The following MATK variants were observed in gnomAD, a reference collection of about 807,000 sequenced individuals.
The protein encoded by MATK is megakaryocyte-associated tyrosine-protein kinase.
MATK carries 41 observed loss-of-function variants against 59.8 expected under a neutral mutation model. The observed-to-expected ratio is 0.69, with a 90% CI of 0.53 to 0.89. The LOEUF (loss-of-function observed/expected upper bound fraction) is 0.89. Ranked by LOEUF, MATK falls within the 40% of genes least tolerant of loss-of-function variation. The pLI, the probability that MATK is intolerant of heterozygous loss-of-function variation, is 0.00. For synonymous variants in MATK, 308 were observed against 306.1 expected, an observed-to-expected ratio of 1.01 and a Z score of -0.06; for missense variants, 593 against 719.6, an observed-to-expected ratio of 0.82 and a Z score of 2.01.
In MATK at chr19:3,783,904, G is replaced by A. The variant is rs372033387; in HGVS notation, c.492C>T (p.Arg164=). The A allele has an allele frequency of 4.4e-5, 71 of 1,612,854 alleles. No individual in the cohort carries two copies. Among genetic ancestry groups the A allele is most frequent in the Non-Finnish European group, 5.8e-5 (68 of 1,179,900 alleles). Residue 164 remains arginine (R), a synonymous_variant, in exon 6 of 14, where the codon CGC becomes CGT. Transcript: ENST00000310132. ...GCAGCACGCGGTAGTGGATGACGTC[G>A]CGGCCAAAGCTCACGCACAGGACGT... is the stretch of plus-strand genomic sequence containing the variant. ...GDYVLCVSFG[R]DVIHYRVLHR...
Position 3,784,807 on chromosome 19 carries a change from CA to C in MATK, c.132+17del, listed in dbSNP as rs1308088698. 3.2e-6 allele frequency: 5 copies of C among 1,548,138 alleles called. No homozygotes were observed. The South Asian group carries it at 6.0e-5, about 18-fold the overall frequency. The stretch of plus-strand genomic sequence containing the variant: ...AGAAGGACCCGGGGAGCAGAGGAAG[CA>C]GGCTAGACACACTCACCGTTGGCAT... On this transcript the variant is annotated intron_variant, in intron 3 of 13. Coordinates refer to ENST00000310132, the MANE Select transcript of MATK (RefSeq NM_139355.3).
intron 1 of MATK, among the ~76,000 whole-genome samples, chr19:3,791,571 G>C (rs1388126188): frequency 1.3e-5 from 2 of 151,786 alleles, no homozygotes; most frequent in Non-Finnish European, 2.9e-5. Flanking sequence ...TCGAACTCCT[G>C]ACCTCAGGCG....
intron 1 of MATK, among the ~76,000 whole-genome samples, chr19:3,798,419 C>G (rs1021167985): frequency 6.6e-6 from 1 of 152,194 alleles, no homozygotes; most frequent in Non-Finnish European, 1.5e-5. Context: ...TTGGCAGCAT[C>G]TGGAAGGCTT....
At position 3,785,255 on chromosome 19, in the gene MATK, G is replaced by A. The variant is rs1266345635; in HGVS notation, c.-120C>T. On this transcript the variant is annotated 5_prime_UTR_variant, in exon 2 of 14. Coordinates refer to ENST00000310132, the MANE Select transcript of MATK (RefSeq NM_139355.3). ...TGGCACAGGAGGTAGGGAGCTGGGT[G>A]CCACTGGACCGAGCCTGGTTCTTCC... 1 of 1,555,908 alleles carries A rather than the reference G, an allele frequency of 6.4e-7. No homozygotes were observed. Among genetic ancestry groups the A allele is most frequent in the South Asian group, 1.1e-5 (1 of 87,172 alleles).
At chr19:3,790,010 G>A (rs548737431), upstream of MATK, among the ~76,000 whole-genome samples, 41 of 150,532 alleles carry the variant, frequency 2.7e-4, no homozygotes, top group African/African-American at 1.0e-3. Flanking sequence ...CAAGTGATTC[G>A]CCTTCCTCAG....
At chr19:3,793,953 C>T (rs73535365) in intron 1 of MATK, among the ~76,000 whole-genome samples, 9 of 152,282 alleles carry the variant, frequency 5.9e-5, no homozygotes, top group South Asian at 2.1e-4. Flanking sequence ...GTCACCTCTG[C>T]GGTCCAGTGG....
In MATK at chr19:3,781,621, T is replaced by G. The variant is rs769899759; in HGVS notation, c.728A>C (p.Glu243Ala). ...QHLTLGAQIGEGEFGAVLQGE... is the reference protein window; with the variant it reads ...QHLTLGAQIGAGEFGAVLQGE... The stretch of plus-strand genomic sequence containing the variant: ...CCGCCACTCACCTCCAAACTCTCCC[T>G]CTCCGATCTGTGCTCCCAATGTCAA... The change falls in exon 8 of 14, where the codon GAG becomes GCG. Residue 243 changes from glutamate to alanine, a missense_variant. Transcript: ENST00000310132. 9 of 1,613,740 alleles carry G rather than the reference T, an allele frequency of 5.6e-6. No homozygotes were observed. In the Admixed American group the frequency reaches 1.5e-4, roughly 27 times the overall value.
chr19:3,784,807 C>G lies in MATK; in HGVS notation c.132+18G>C. 6.5e-7 allele frequency: 1 copy of G among 1,548,138 alleles called. No individual in the cohort carries two copies. On this transcript the variant is annotated intron_variant, in intron 3 of 13. Transcript: ENST00000310132. ...AGAAGGACCCGGGGAGCAGAGGAAG[C>G]AGGCTAGACACACTCACCGTTGGCA...
At chr19:3,800,117 G>A (rs1423336078) in intron 1 of MATK, among the ~76,000 whole-genome samples, 2 of 151,038 alleles carry the variant, frequency 1.3e-5, no homozygotes, top group African/African-American at 4.9e-5. Context: ...GCTCCAGCCT[G>A]GGCAACAGAG....
chr19:3,779,332 C>T (rs749562797), intron 11 of MATK, 46 bp downstream of exon 11: 10 of 1,601,148 alleles, frequency 6.2e-6, no homozygotes, highest in African/African-American at 2.7e-5. Flanking sequence ...TTGGAATCTG[C>T]GCCCCGACGA....
chr19:3,798,715 T>C (rs2037616850), intron 1 of MATK, among the ~76,000 whole-genome samples: 2 of 151,542 alleles, frequency 1.3e-5, no homozygotes, highest in Non-Finnish European at 1.5e-5. Context: ...TTTCACCATG[T>C]TGGTCAGGCT....
Position 3,785,064 on chromosome 19 carries a change from C to T in MATK, c.72G>A (p.Arg24=), listed in dbSNP as rs769670379. 1.9e-6 allele frequency: 3 copies of T among 1,613,968 alleles called. No individual in the cohort carries two copies. In the South Asian group the frequency reaches 3.3e-5, roughly 18 times the overall value. Residue 24 remains arginine (R), a splice_region_variant and synonymous_variant, in exon 2 of 14, where the codon CGG becomes CGA. Coordinates refer to ENST00000310132, the MANE Select transcript of MATK (RefSeq NM_139355.3). ...HGCDSAEELP[R]VSPRFLRAWH... ...GCCCCTGTGGGGAAGTGATCTTTAC[C>T]CGGGGAAGTTCCTCAGCAGAATCAC...
intron 1 of MATK, among the ~76,000 whole-genome samples, chr19:3,794,145 A>C (rs1488493857): frequency 1.3e-5 from 2 of 152,066 alleles, no homozygotes; most frequent in Admixed American, 1.3e-4. Flanking sequence ...TGGCCACCCC[A>C]CAGTGGTCAC....
intron 1 of MATK, among the ~76,000 whole-genome samples, chr19:3,794,760 G>A (rs770053207): frequency 1.8e-4 from 28 of 152,116 alleles, no homozygotes; most frequent in Admixed American, 3.9e-4. Flanking sequence ...TCTCCTCCAG[G>A]ATCCCTCTTC....
rs2037352967 is a variant in MATK, at chr19:3,778,610, A to G, written c.1198-15T>C. ...CTGGTGAACTTCTGTGGGGCCCGAG[A>G]CGGGGGTGAGGAGGGACCCCTCAGG... On this transcript the variant is annotated splice_polypyrimidine_tract_variant and intron_variant, in intron 12 of 13. Coordinates refer to ENST00000310132, the MANE Select transcript of MATK (RefSeq NM_139355.3). The G allele has an allele frequency of 8.7e-6, 14 of 1,602,048 alleles. No individual in the cohort carries two copies. Among genetic ancestry groups the G allele is most frequent in the Non-Finnish European group, 1.0e-5 (12 of 1,174,490 alleles).
chr19:3,784,850 G>C lies in MATK; in HGVS notation c.107C>G (p.Pro36Arg), dbSNP rs564635842. Residue 36 changes from proline (P) to arginine (R), a missense_variant, in exon 3 of 14, where the codon CCT becomes CGT. Coordinates refer to ENST00000310132, the MANE Select transcript of MATK (RefSeq NM_139355.3). The stretch of plus-strand genomic sequence containing the variant: ...CGTTGGCATCCTGGCTGAGACGGGA[G>C]GGGGGTGCCAGGCTCGGAGGAAGCG... ...SPRFLRAWHP[P>R]PVSARMPTRR... 4.6e-5 allele frequency: 72 copies of C among 1,550,344 alleles called. No individual in the cohort carries two copies. The South Asian group carries it at 6.9e-4, about 15-fold the overall frequency.
upstream of MATK, chr19:3,786,399 C>T: frequency 1.0e-6 from 1 of 965,390 alleles, no homozygotes; most frequent in Non-Finnish European, 1.2e-6. This position sits in a 1 kb window ranked among gnomAD's most constrained non-coding sequence, Gnocchi z 4.1. Context: ...CCTCCGCGCG[C>T]CGCCGCCGCC....
At chr19:3,798,531 A>G (rs2145118241) in intron 1 of MATK, among the ~76,000 whole-genome samples, 1 of 152,166 alleles carries the variant, frequency 6.6e-6, no homozygotes, top group South Asian at 2.1e-4. Flanking sequence ...TATTTTTTTG[A>G]GACAGAGTTT....
chr19:3,787,978 G>T (rs1237410139), upstream of MATK, among the ~76,000 whole-genome samples: 1 of 150,988 alleles, frequency 6.6e-6, no homozygotes, highest in African/African-American at 2.4e-5. Flanking sequence ...GCCCAGGCTG[G>T]CCTCAAATGC....
Sources: allele counts gnomAD v4.1 joint callset (sites outside exome capture counted in the v4.1 genomes callset), GRCh38; gene constraint gnomAD v4.1.1; non-coding constraint Gnocchi (gnomAD v3.1); transcripts MANE v1.5; gene names NCBI Gene and HGNC (gene_info 2026-07-23, HGNC 2026-07-21).